ZC3H12C: variants seen among roughly 807,000 people sequenced by gnomAD.
ZC3H12C encodes zinc finger CCCH-type containing 12C, also known as probable ribonuclease ZC3H12C.
ZC3H12C carries 20 observed loss-of-function variants against 76.3 expected under a neutral mutation model. That is an observed-to-expected ratio of 0.26 (90% confidence interval 0.18 to 0.38). The LOEUF (loss-of-function observed/expected upper bound fraction) is 0.38, where lower values mean the gene tolerates loss of function less well. Among genes scored for constraint, ZC3H12C ranks in the 10% least tolerant of loss-of-function variants. The pLI is 1.00. For synonymous variants in ZC3H12C, 352 were observed against 399.6 expected (o/e 0.88, Z 1.42); for missense variants, 874 against 1,086.5 (o/e 0.80, Z 2.75).
chr11:110,163,095 T>C (rs560484619), intron 4 of ZC3H12C, among the ~76,000 whole-genome samples, 178 bp from the exon 5 acceptor site: 2 of 152,380 alleles, frequency 1.3e-5, no homozygotes, highest in South Asian at 4.1e-4. Context: ...CAATTTTCAT[T>C]AAGAAATGAG....
Position 110,164,128 on chromosome 11 carries a change from T to C in ZC3H12C, c.1256-213T>C, listed in dbSNP as rs889441933. 6.6e-6 allele frequency among the ~76,000 whole-genome samples: 1 copy of C among 150,996 alleles called. No homozygotes were observed. Among genetic ancestry groups the C allele is most frequent in the African/African-American group, 2.4e-5 (1 of 41,104 alleles). On this transcript the variant is annotated intron_variant, in intron 5 of 5. Coordinates refer to ENST00000278590, the MANE Select transcript of ZC3H12C (RefSeq NM_033390.2). This position sits in a 1 kb window ranked among gnomAD's most constrained non-coding sequence, Gnocchi z 5.7. ...AAAAAAAAAAAGTTCTGGAGGTGAT[T>C]ATTACTCATTCGGCCAACTTCCTCC...
chr11:110,151,000 G>C (rs1365662058), intron 2 of ZC3H12C, among the ~76,000 whole-genome samples: 1 of 152,080 alleles, frequency 6.6e-6, no homozygotes, highest in Non-Finnish European at 1.5e-5. Context: ...TAAACACATG[G>C]AGGATTATAT....
chr11:110,108,183 T>A (rs7942629), intron 1 of ZC3H12C, among the ~76,000 whole-genome samples: 52,773 of 151,874 alleles, frequency 0.35, 10,207 homozygotes, highest in East Asian at 0.65. Flanking sequence ...CTTGAACTCC[T>A]GGGCTCAAGC....
chr11:110,131,671 A>G (rs941607128), intron 1 of ZC3H12C: 1 of 152,446 alleles, frequency 6.6e-6, no homozygotes, highest in Non-Finnish European at 1.5e-5. Context: ...CTTCTCCCTT[A>G]CATTAGTTTC....
intron 1 of ZC3H12C, among the ~76,000 whole-genome samples, chr11:110,100,388 T>C (rs1591455165): frequency 6.6e-6 from 1 of 152,162 alleles, no homozygotes; most frequent in Non-Finnish European, 1.5e-5. Context: ...TAAGTGGGTA[T>C]GATAAACAAA....
chr11:110,152,821 C>G (rs934283480), intron 2 of ZC3H12C, 98 bp from the exon 3 acceptor site: 14 of 1,348,090 alleles, frequency 1.0e-5, no homozygotes, highest in Non-Finnish European at 1.3e-5. Flanking sequence ...TCTCTTATTA[C>G]TGTTGTAACT....
intron 2 of ZC3H12C, among the ~76,000 whole-genome samples, chr11:110,145,096 C>G (rs922980135): frequency 6.6e-6 from 1 of 152,206 alleles, no homozygotes; most frequent in African/African-American, 2.4e-5. Context: ...GAATTTTTCT[C>G]TGCATTACAA....
At position 110,115,620 on chromosome 11, in the gene ZC3H12C, G is replaced by A. The variant is rs200715609; in HGVS notation, c.22-21043G>A. On this transcript the variant is annotated intron_variant, in intron 1 of 5. Coordinates refer to ENST00000278590, the MANE Select transcript of ZC3H12C (RefSeq NM_033390.2). Reference sequence around the variant, plus strand: ...ACCTGGCCTATTTTGTTTTTTCATAGGATGGGGTCTTGCTATGTTGCCTAG... The same window carrying A: ...ACCTGGCCTATTTTGTTTTTTCATAAGATGGGGTCTTGCTATGTTGCCTAG... 1.6e-4 allele frequency among the ~76,000 whole-genome samples: 24 copies of A among 151,984 alleles called. 1 individual carries two copies. In the East Asian group the frequency reaches 4.6e-3, roughly 29 times the overall value.
At chr11:110,100,854 G>T (rs1861201907) in intron 1 of ZC3H12C, among the ~76,000 whole-genome samples, 1 of 152,190 alleles carries the variant, frequency 6.6e-6, no homozygotes, top group Non-Finnish European at 1.5e-5. Context: ...GTGAAAGGAA[G>T]ATTCAGGTTC....
chr11:110,147,460 G>A (rs1309177393), intron 2 of ZC3H12C, among the ~76,000 whole-genome samples: 1 of 151,994 alleles, frequency 6.6e-6, no homozygotes, highest in Non-Finnish European at 1.5e-5. Flanking sequence ...GGGGGTCGGA[G>A]GGAAGGGGAG....
chr11:110,121,345 A>G (rs544143290), intron 1 of ZC3H12C, among the ~76,000 whole-genome samples: 5 of 152,330 alleles, frequency 3.3e-5, no homozygotes, highest in African/African-American at 1.2e-4. Flanking sequence ...AAAGCAAAAC[A>G]CAAGAATCCC....
Position 110,106,685 on chromosome 11 carries a change from A to T in ZC3H12C, c.21+13253A>T, listed in dbSNP as rs150300542. Among the ~76,000 whole-genome samples, 23 of 152,342 alleles carry T rather than the reference A, an allele frequency of 1.5e-4. No individual in the cohort carries two copies. In the East Asian group the frequency reaches 4.4e-3, roughly 29 times the overall value. On this transcript the variant is annotated intron_variant, in intron 1 of 5. Coordinates refer to ENST00000278590, the MANE Select transcript of ZC3H12C (RefSeq NM_033390.2). ...TATTATGAATGTGATTCTCCTCATC[A>T]TATGCTATATTTTATACTTGGTAGT...
chr11:110,099,811 CA>C (rs34997254), intron 1 of ZC3H12C, among the ~76,000 whole-genome samples: 4,252 of 127,680 alleles, frequency 0.033, 313 homozygotes, highest in Admixed American at 0.19. Flanking sequence ...GACTCCATCT[CA>C]AAAAAAAAAA....
At chr11:110,094,545 G>C (rs1332806227) in intron 1 of ZC3H12C, among the ~76,000 whole-genome samples, 1 of 152,194 alleles carries the variant, frequency 6.6e-6, no homozygotes, top group African/African-American at 2.4e-5. Flanking sequence ...AATACAGTGT[G>C]TTATAAATGT....
chr11:110,097,371 A>G (rs2134140153), intron 1 of ZC3H12C, among the ~76,000 whole-genome samples: 1 of 152,354 alleles, frequency 6.6e-6, no homozygotes, highest in Admixed American at 6.5e-5. Flanking sequence ...TGGAATAAGT[A>G]GAAAATCCCA....
intron 1 of ZC3H12C, among the ~76,000 whole-genome samples, chr11:110,129,267 AATG>A (rs1273993264): frequency 6.6e-6 from 1 of 152,192 alleles, no homozygotes; most frequent in African/African-American, 2.4e-5. Context: ...TCTGTAAACA[AATG>A]ATGATCTGTA....
At chr11:110,132,286 A>C (rs1322701732) in intron 1 of ZC3H12C, among the ~76,000 whole-genome samples, 3 of 152,136 alleles carry the variant, frequency 2.0e-5, no homozygotes, top group Non-Finnish European at 2.9e-5. Flanking sequence ...ACTAATGAGA[A>C]CTTTCAGAAA....
intron 1 of ZC3H12C, among the ~76,000 whole-genome samples, chr11:110,132,330 G>C (rs187599329): frequency 5.9e-4 from 90 of 152,192 alleles, no homozygotes; most frequent in African/African-American, 2.1e-3. Flanking sequence ...TTCAGTGTGT[G>C]CAATAAATTT....
chr11:110,142,926 A>G (rs576406171), intron 2 of ZC3H12C, among the ~76,000 whole-genome samples: 7 of 152,306 alleles, frequency 4.6e-5, no homozygotes, highest in African/African-American at 1.7e-4. Context: ...CAGCTTGATA[A>G]GCATTGATTT....
Sources: gnomAD v4.1 joint callset for allele counts (sites outside exome capture counted in the v4.1 genomes callset) on GRCh38, gnomAD v4.1.1 for gene constraint, Gnocchi (gnomAD v3.1) non-coding constraint, MANE v1.5 for transcripts, NCBI Gene and HGNC (gene_info 2026-07-23, HGNC 2026-07-21) for gene names.